Variants in RALA observed in about 807,000 individuals in gnomAD.
The protein encoded by RALA is RAS like proto-oncogene A, also known as ras-related protein Ral-A.
Under a neutral mutation model 24.0 loss-of-function variants are expected in RALA, and 5 were observed. The observed-to-expected ratio is 0.21, with a 90% confidence interval of 0.11 to 0.44. RALA has a LOEUF of 0.44. RALA is among the 20% of genes least tolerant of loss of function. The pLI is 0.99. For synonymous variants in RALA, 77 were observed against 83.8 expected, an observed-to-expected ratio of 0.92 and a Z score of 0.44; for missense variants, 95 against 241.2, an observed-to-expected ratio of 0.39 and a Z score of 4.01.
intron 1 of RALA, among the ~76,000 whole-genome samples, chr7:39,643,594 G>A (rs940950388): frequency 2.6e-5 from 4 of 151,916 alleles, no homozygotes; most frequent in East Asian, 1.9e-4. Context: ...GGTGGCTTAC[G>A]CCTGTAATCC....
intron 1 of RALA, among the ~76,000 whole-genome samples, chr7:39,653,261 C>T (rs1481146575): frequency 6.6e-6 from 1 of 152,074 alleles, no homozygotes; most frequent in African/African-American, 2.4e-5. Context: ...AACTCCTGAC[C>T]TTATCATCCG....
At chr7:39,685,019 G>A (rs1260144204) in intron 1 of RALA, among the ~76,000 whole-genome samples, 1 of 152,026 alleles carries the variant, frequency 6.6e-6, no homozygotes, top group Non-Finnish European at 1.5e-5. Flanking sequence ...ATACTATTAA[G>A]TTGGTGCAAA....
At chr7:39,635,655 AACTGTTCC>A (rs1791674340) in intron 1 of RALA, among the ~76,000 whole-genome samples, 1 of 152,140 alleles carries the variant, frequency 6.6e-6, no homozygotes, top group Non-Finnish European at 1.5e-5. Context: ...GTTGGGATGA[AACTGTTCC>A]ACTTCAAATC....
intron 1 of RALA, among the ~76,000 whole-genome samples, chr7:39,640,588 T>G (rs1450085650): frequency 6.6e-6 from 1 of 152,248 alleles, no homozygotes; most frequent in Non-Finnish European, 1.5e-5. Context: ...GAGAGTGCTA[T>G]GTTTTTTTGT....
At chr7:39,648,772 C>T (rs1456700588) in intron 1 of RALA, among the ~76,000 whole-genome samples, 4 of 152,188 alleles carry the variant, frequency 2.6e-5, no homozygotes, top group African/African-American at 9.6e-5. Flanking sequence ...AAGAATGACT[C>T]CAAGGGGCCA....
rs575816755 is a variant in RALA, at chr7:39,649,276, C to T, written c.-38+25451C>T. On this transcript the variant is annotated intron_variant, in intron 1 of 4. Transcript: ENST00000005257. The stretch of plus-strand genomic sequence containing the variant: ...GGCAGTTACATGTGAATCTGATGTT[C>T]AGGGGAGAGATGAAATCCAGAGATA... Among the ~76,000 whole-genome samples, 6 of 152,278 alleles carry T rather than the reference C, an allele frequency of 3.9e-5. No individual in the cohort carries two copies. In the East Asian group the frequency reaches 1.2e-3, roughly 29 times the overall value.
chr7:39,698,242 C>G (rs555763567), intron 4 of RALA, among the ~76,000 whole-genome samples: 1 of 152,224 alleles, frequency 6.6e-6, no homozygotes, highest in South Asian at 2.1e-4. Context: ...TCTCTTATTG[C>G]CATCACATAA....
intron 1 of RALA, among the ~76,000 whole-genome samples, chr7:39,661,861 G>A (rs1472382183): frequency 1.3e-5 from 2 of 152,134 alleles, no homozygotes; most frequent in Non-Finnish European, 2.9e-5. Flanking sequence ...TTTCCCTTCT[G>A]CACTGCCTTA....
At chr7:39,638,256 T>C (rs932054367) in intron 1 of RALA, among the ~76,000 whole-genome samples, 2 of 152,114 alleles carry the variant, frequency 1.3e-5, no homozygotes, top group African/African-American at 2.4e-5. Context: ...GTGCCAGTTG[T>C]TCATAGATTT....
Position 39,706,755 on chromosome 7 carries a change from G to C in RALA, c.*510G>C, listed in dbSNP as rs551759523. ...GTTGTTGCATATAGTTAAACTGAGA[G>C]TAATTCATCTGTGAATCTGCTTTAA... is the stretch of plus-strand genomic sequence containing the variant. On this transcript the variant is annotated 3_prime_UTR_variant, in exon 5 of 5. Coordinates refer to ENST00000005257, the MANE Select transcript of RALA (RefSeq NM_005402.4). 2.6e-5 allele frequency: 4 copies of C among 152,450 alleles called. No homozygotes were observed. The highest frequency in any genetic ancestry group is 4.4e-5 in the Non-Finnish European group (3 of 68,068). The allele number at this position is 152,450 out of a possible 1,614,324, so 9.4% of individuals were successfully genotyped here.
chr7:39,629,524 C>T (rs1791553419), intron 1 of RALA, among the ~76,000 whole-genome samples: 2 of 152,178 alleles, frequency 1.3e-5, no homozygotes, highest in African/African-American at 4.8e-5. Context: ...AAGCGATTCT[C>T]CTGCCTCAGC....
chr7:39,705,229 TAGGAA>T (rs1406203127), intron 4 of RALA, among the ~76,000 whole-genome samples: 4 of 152,270 alleles, frequency 2.6e-5, no homozygotes, highest in South Asian at 4.2e-4. Context: ...TCAGACGCGT[TAGGAA>T]AGGCCACATC....
chr7:39,625,007 G>T (rs908555509), intron 1 of RALA, among the ~76,000 whole-genome samples: 23 of 152,104 alleles, frequency 1.5e-4, no homozygotes, highest in African/African-American at 5.3e-4. Context: ...AGTATTATCT[G>T]ACAACACCGT....
intron 4 of RALA, chr7:39,697,482 T>C (rs1453867243): frequency 2.2e-6 from 1 of 456,474 alleles, no homozygotes; most frequent in Non-Finnish European, 4.4e-6. Context: ...CCAGCTCCAG[T>C]ATCTAGAAAG....
At chr7:39,653,460 G>T (rs1417454792) in intron 1 of RALA, among the ~76,000 whole-genome samples, 2 of 151,886 alleles carry the variant, frequency 1.3e-5, no homozygotes, top group Non-Finnish European at 2.9e-5. Flanking sequence ...TGAGAACTGA[G>T]ACCACAGATG....
intron 1 of RALA, among the ~76,000 whole-genome samples, chr7:39,645,956 G>A (rs2115955388): frequency 6.6e-6 from 1 of 152,172 alleles, no homozygotes; most frequent in African/African-American, 2.4e-5. Flanking sequence ...AGGTCAGTGG[G>A]GAGTCATCAA....
At chr7:39,705,586 T>C (rs934328715) in intron 4 of RALA, among the ~76,000 whole-genome samples, 5 of 152,138 alleles carry the variant, frequency 3.3e-5, no homozygotes, top group African/African-American at 1.2e-4. Flanking sequence ...TGATAAATTC[T>C]CAAATACAGA....
intron 1 of RALA, among the ~76,000 whole-genome samples, chr7:39,681,359 C>G (rs527803599): frequency 3.4e-5 from 4 of 118,962 alleles, no homozygotes; most frequent in East Asian, 5.3e-4. Flanking sequence ...ACTCTCTAGC[C>G]CAGGCTGGAG....
At chr7:39,636,929 A>AC (rs762631427) in intron 1 of RALA, among the ~76,000 whole-genome samples, 31 of 152,104 alleles carry the variant, frequency 2.0e-4, no homozygotes, top group South Asian at 1.5e-3. Context: ...GGGGGAAACC[A>AC]CCCCCATGAT....
Sources: gnomAD v4.1 joint callset for allele counts (sites outside exome capture counted in the v4.1 genomes callset) on GRCh38, gnomAD v4.1.1 for gene constraint, MANE v1.5 for transcripts, NCBI Gene and HGNC (gene_info 2026-07-23, HGNC 2026-07-21) for gene names.